Variants in CSNK1D observed in about 807,000 individuals in gnomAD.
CSNK1D encodes the protein casein kinase 1 delta.
A neutral mutation model predicts 46.6 loss-of-function variants in CSNK1D; 16 were observed. The ratio of observed to expected loss-of-function variants is 0.34; its 90% CI spans 0.23 to 0.52. CSNK1D has a LOEUF of 0.52. Ranked by LOEUF, CSNK1D falls within the 20% of genes least tolerant of loss-of-function variation. The pLI, the probability that CSNK1D is intolerant of heterozygous loss-of-function variation, is 0.95. For missense variants in CSNK1D, 398 were observed against 578.4 expected (o/e 0.69, Z 3.20); for synonymous variants, 276 against 228.2 (o/e 1.21, Z -1.89).
chr17:82,250,333 G>T lies in CSNK1D; in HGVS notation c.886-731C>A. The T allele has an allele frequency of 1.6e-6, 1 of 612,890 alleles. No individual in the cohort carries two copies. The highest frequency in any genetic ancestry group is 2.6e-6 in the Non-Finnish European group (1 of 384,992). The allele number at this position is 612,890 out of a possible 1,614,324, so 38.0% of individuals were successfully genotyped here. ...GCAACACACAGACCGACACACCTGC[G>T]GCTGCAGCACCGTGCGGCCAGCACC... On this transcript the variant is annotated intron_variant, in intron 6 of 8. Coordinates refer to ENST00000314028, the MANE Select transcript of CSNK1D (RefSeq NM_001893.6). The surrounding 1 kb of genome is among the most constrained non-coding windows in gnomAD (Gnocchi z 4.6).
Position 82,252,349 on chromosome 17 carries a change from A to T in CSNK1D, c.736+85T>A. ...GAAGGTGAGCAACTCTTCTGACAAA[A>T]CCCAGACTGAGCCGTCTCGGCACAC... On this transcript the variant is annotated intron_variant, in intron 5 of 8. Transcript: ENST00000314028. The surrounding 1 kb of genome is among the most constrained non-coding windows in gnomAD (Gnocchi z 4.6). The T allele has an allele frequency of 6.6e-7, 1 of 1,522,952 alleles. No homozygotes were observed. Among genetic ancestry groups the T allele is most frequent in the Non-Finnish European group, 9.1e-7 (1 of 1,098,978 alleles). 94.3% of individuals were successfully genotyped at this position (1,522,952 alleles called of 1,614,324 possible).
rs181895714 is a variant in CSNK1D, at chr17:82,249,776, C to T, written c.886-174G>A. On this transcript the variant is annotated intron_variant, in intron 6 of 8. Coordinates refer to ENST00000314028, the MANE Select transcript of CSNK1D (RefSeq NM_001893.6). This position sits in a 1 kb window ranked among gnomAD's most constrained non-coding sequence, Gnocchi z 6.7. ...CTCCTCATGGGATGACAGCATCATCCCCACAAGGGGTCAGAGCCAGGCCTC... is the reference window on the plus strand; with the variant it reads ...CTCCTCATGGGATGACAGCATCATCTCCACAAGGGGTCAGAGCCAGGCCTC... The T allele has an allele frequency of 3.3e-5, 49 of 1,468,274 alleles. No individual in the cohort carries two copies. The East Asian group carries it at 1.2e-3, about 36-fold the overall frequency. 91.0% of individuals were successfully genotyped at this position (1,468,274 alleles called of 1,614,324 possible).
rs1359177146 is a variant in CSNK1D at position 82,243,360 on chromosome 17, C to G, written c.*1421G>C. ...GAAGTGCCCACGAACACAGACTGCC[C>G]TGCGCATTGGGGTTGGGAGCACATG... On this transcript the variant is annotated 3_prime_UTR_variant, in exon 9 of 9. Transcript: ENST00000314028. The G allele has an allele frequency of 2.0e-6, 2 of 985,468 alleles. No individual in the cohort carries two copies. The highest frequency in any genetic ancestry group is 2.4e-6 in the Non-Finnish European group (2 of 830,054). 61.0% of individuals were successfully genotyped at this position (985,468 alleles called of 1,614,324 possible). A position where few individuals can be genotyped will look rare whatever the true frequency, so the allele number is the denominator to read the frequency against.
downstream of CSNK1D, chr17:82,240,025 G>T: frequency 8.1e-7 from 1 of 1,233,812 alleles, no homozygotes; most frequent in East Asian, 3.2e-5. Context: ...GCCCTGGCGG[G>T]CCGCGTGCAG....
rs944275163 is a variant in CSNK1D, at chr17:82,249,214, G to C, written c.1058-200C>G. ...GGAGCGAGGTCAAGGGGCTCACAGG[G>C]GAGGAACGTGAGATGCGGGAGGAAT... On this transcript the variant is annotated intron_variant, in intron 7 of 8. Coordinates refer to ENST00000314028, the MANE Select transcript of CSNK1D (RefSeq NM_001893.6). This position sits in a 1 kb window ranked among gnomAD's most constrained non-coding sequence, Gnocchi z 6.7. The C allele has an allele frequency of 1.3e-6, 1 of 775,732 alleles. No individual in the cohort carries two copies. The highest frequency in any genetic ancestry group is 1.7e-5 in the African/African-American group (1 of 57,300). 48.1% of individuals were successfully genotyped at this position (775,732 alleles called of 1,614,324 possible).
In CSNK1D at chr17:82,242,926, C is replaced by G; in HGVS notation, c.*1855G>C. 1.0e-6 allele frequency: 1 copy of G among 985,446 alleles called. No homozygotes were observed. The highest frequency in any genetic ancestry group is 1.2e-6 in the Non-Finnish European group (1 of 829,938). The allele number at this position is 985,446 out of a possible 1,614,324, so 61.0% of individuals were successfully genotyped here. ...CGCACAAACGTTCTGGGCACTACATCGGGACCACAGATATTTACAAAGCAA... is the reference window on the plus strand; with the variant it reads ...CGCACAAACGTTCTGGGCACTACATGGGGACCACAGATATTTACAAAGCAA... On this transcript the variant is annotated 3_prime_UTR_variant, in exon 9 of 9. Coordinates refer to ENST00000314028, the MANE Select transcript of CSNK1D (RefSeq NM_001893.6).
chr17:82,246,699 A>G, intron 8 of CSNK1D: 1 of 993,054 alleles, frequency 1.0e-6, no homozygotes, highest in Non-Finnish European at 1.2e-6. Flanking sequence ...GTGGTCTTCC[A>G]CCCATCCACA....
At chr17:82,253,487 G>A (rs961357359) in intron 3 of CSNK1D, 1 of 511,102 alleles carries the variant, frequency 2.0e-6, no homozygotes, top group Non-Finnish European at 3.7e-6. Context: ...ACAAAACAGA[G>A]AGGTGAGGCG....
intron 8 of CSNK1D, 60 bp from the exon 9 acceptor site, chr17:82,244,891 A>G: frequency 1.2e-6 from 2 of 1,610,214 alleles, no homozygotes; most frequent in Admixed American, 3.3e-5. Flanking sequence ...GGCCAGGCAG[A>G]TACCACAGTG....
chr17:82,263,180 CAAACAAAAACAAAAAACAAA>C (rs1420043129), intron 2 of CSNK1D, among the ~76,000 whole-genome samples: 1 of 151,738 alleles, frequency 6.6e-6, no homozygotes, highest in Admixed American at 6.6e-5. Context: ...ACTCTGTCTC[CAAACAAAAACAAAAAACAAA>C]AAACAAAAAC....
downstream of CSNK1D, chr17:82,239,328 C>T (rs920424843): frequency 2.4e-5 from 5 of 207,560 alleles, no homozygotes; most frequent in African/African-American, 1.2e-4. Flanking sequence ...CGCAGACAGG[C>T]TGGCAGGGCA....
At chr17:82,253,356 G>T in intron 3 of CSNK1D, 112 bp from the exon 4 acceptor site, 1 of 912,558 alleles carries the variant, frequency 1.1e-6, no homozygotes, top group Non-Finnish European at 1.8e-6. Flanking sequence ...CTCAGCCACA[G>T]CAGGGTAGTT....
At position 82,249,821 on chromosome 17, in the gene CSNK1D, A is replaced by G. The variant is rs1350626861; in HGVS notation, c.886-219T>C. The G allele has an allele frequency of 7.0e-7, 1 of 1,432,630 alleles. No homozygotes were observed. The allele number at this position is 1,432,630 out of a possible 1,614,324, so 88.7% of individuals were successfully genotyped here. ...GGCCTCTCAGCTCCCCCAACAATCG[A>G]AAAAACCCCACTCGCCATGGCATCT... is the stretch of plus-strand genomic sequence containing the variant. On this transcript the variant is annotated intron_variant, in intron 6 of 8. Coordinates refer to ENST00000314028, the MANE Select transcript of CSNK1D (RefSeq NM_001893.6). The surrounding 1 kb of genome is among the most constrained non-coding windows in gnomAD (Gnocchi z 6.7).
intron 1 of CSNK1D, among the ~76,000 whole-genome samples, chr17:82,266,041 G>A (rs1599615727): frequency 1.3e-5 from 2 of 152,214 alleles, no homozygotes; most frequent in South Asian, 4.1e-4. Context: ...TCCATCACCC[G>A]CCCACCAGTC....
intron 3 of CSNK1D, chr17:82,253,991 G>A (rs1349254219): frequency 4.5e-6 from 1 of 224,068 alleles, no homozygotes; most frequent in Non-Finnish European, 8.3e-6. Flanking sequence ...CCAGTGAGCT[G>A]AGCCGCCGGA....
At position 82,243,079 on chromosome 17, in the gene CSNK1D, T is replaced by TC. The variant is rs776202835; in HGVS notation, c.*1701dup. ...ACCCACCCCAACCTCCCTCTGTACT[T>TC]CAACACACAGCTCCCACCCGCTCAA... On this transcript the variant is annotated 3_prime_UTR_variant, in exon 9 of 9. Coordinates refer to ENST00000314028, the MANE Select transcript of CSNK1D (RefSeq NM_001893.6). The TC allele has an allele frequency of 4.6e-5, 45 of 985,256 alleles. No homozygotes were observed. The highest frequency in any genetic ancestry group is 5.4e-5 in the Non-Finnish European group (45 of 829,938). The allele number at this position is 985,256 out of a possible 1,614,324, so 61.0% of individuals were successfully genotyped here. A position where few individuals can be genotyped will look rare whatever the true frequency, so the allele number is the denominator to read the frequency against.
chr17:82,245,944 T>C (rs536116813), intron 8 of CSNK1D: 1 of 1,580,334 alleles, frequency 6.3e-7, no homozygotes, highest in Non-Finnish European at 8.6e-7. Context: ...CACCTGGCGC[T>C]GCTGCCTGGC....
Position 82,249,447 on chromosome 17 carries a change from GGTGAGGGGT to G in CSNK1D, c.1032_1040del (p.Leu346_Pro348del). On this transcript the variant is annotated inframe_deletion, in exon 7 of 9. Coordinates refer to ENST00000314028, the MANE Select transcript of CSNK1D (RefSeq NM_001893.6). The surrounding 1 kb of genome is among the most constrained non-coding windows in gnomAD (Gnocchi z 6.7). ...GGCACTCACCCGTGTGTGAGGTAGG[GGTGAGGGGT>G]GTGGGGGGAGCCACTTCCTGCGTCC... The G allele has an allele frequency of 6.5e-7, 1 of 1,538,842 alleles. No homozygotes were observed. The highest frequency in any genetic ancestry group is 1.2e-5 in the South Asian group (1 of 83,970).
chr17:82,247,856 C>T, intron 8 of CSNK1D: 7 of 985,370 alleles, frequency 7.1e-6, no homozygotes, highest in Non-Finnish European at 8.4e-6. Context: ...ACAAAAAGGT[C>T]TGTTTCTAGT....
Sources: gnomAD v4.1 joint callset for allele counts (sites outside exome capture counted in the v4.1 genomes callset) on GRCh38, gnomAD v4.1.1 for gene constraint, Gnocchi (gnomAD v3.1) non-coding constraint, MANE v1.5 for transcripts, NCBI Gene and HGNC (gene_info 2026-07-23, HGNC 2026-07-21) for gene names.